Variants in HERC1 observed in about 807,000 individuals in gnomAD.
HERC1 encodes the protein HECT and RLD domain containing E3 ubiquitin protein ligase family member 1.
Under a neutral mutation model 554.3 loss-of-function variants are expected in HERC1, and 160 were observed. The observed-to-expected ratio is 0.29, with a 90% CI of 0.25 to 0.33. The LOEUF is 0.33. HERC1 is among the 10% of genes least tolerant of loss of function. The pLI is 1.00. For synonymous variants in HERC1, 2,175 were observed against 2,131.7 expected, an observed-to-expected ratio of 1.02 and a Z score of -0.56; for missense variants, 4,919 against 5,918.5, an observed-to-expected ratio of 0.83 and a Z score of 5.54.
intron 74 of HERC1, among the ~76,000 whole-genome samples, chr15:63,620,405 T>A (rs2152749051): frequency 6.6e-6 from 1 of 151,964 alleles, no homozygotes; most frequent in East Asian, 1.9e-4. Flanking sequence ...AGGAGTGCTT[T>A]ACTTCCAACT....
chr15:63,749,494 C>T lies in HERC1; in HGVS notation c.2092G>A (p.Gly698Ser). ...ATAGGACCTGTGGAATTTCCCTGAC[C>T]ACATTGCCCCATTGAGTTATTGCCC... ...AWGNNSMGQC[G>S]QGNSTGPITK... Residue 698 changes from glycine to serine, a missense_variant, in exon 10 of 78, where the codon GGT becomes AGT. Physicochemically the swap from Gly to Ser is moderately conservative, Grantham distance 56. Transcript: ENST00000443617. This position sits in a 1 kb window ranked among gnomAD's most constrained non-coding sequence, Gnocchi z 4.1. The T allele has an allele frequency of 1.2e-6, 2 of 1,613,522 alleles. No homozygotes were observed. The highest frequency in any genetic ancestry group is 1.7e-6 in the Non-Finnish European group (2 of 1,179,614).
chr15:63,811,112 G>A (rs901962691), intron 1 of HERC1, among the ~76,000 whole-genome samples: 2 of 151,818 alleles, frequency 1.3e-5, no homozygotes, highest in South Asian at 2.1e-4. Context: ...TCCTGGACCC[G>A]AAAAAAACAA....
intron 1 of HERC1, among the ~76,000 whole-genome samples, chr15:63,830,256 T>C (rs935610282): frequency 6.6e-6 from 1 of 152,140 alleles, no homozygotes; most frequent in Non-Finnish European, 1.5e-5. Flanking sequence ...CAAAAAGACA[T>C]GTCAACACCA....
intron 2 of HERC1, among the ~76,000 whole-genome samples, chr15:63,767,010 T>C (rs547312024): frequency 6.7e-6 from 1 of 148,874 alleles, no homozygotes; most frequent in Admixed American, 6.7e-5. Context: ...TTCATTTGTT[T>C]TTTTTTTTTG....
chr15:63,787,582 C>T (rs73457117), intron 1 of HERC1, among the ~76,000 whole-genome samples: 1,886 of 152,214 alleles, frequency 0.012, 39 homozygotes, highest in African/African-American at 0.04. Flanking sequence ...AAGTTCGCTA[C>T]ATCAAGAATG....
At position 63,697,882 on chromosome 15, in the gene HERC1, A is replaced by G. The variant is rs568364482; in HGVS notation, c.4905+846T>C. On this transcript the variant is annotated intron_variant, in intron 26 of 77. Transcript: ENST00000443617. ...AGTCCAGCTCACTCTCAAGGAGAGA[A>G]GAATTAATCTCCACTTCCTGCAGGG... 2.0e-5 allele frequency among the ~76,000 whole-genome samples: 3 copies of G among 152,370 alleles called. No homozygotes were observed. The East Asian group carries it at 5.8e-4, about 29-fold the overall frequency.
intron 24 of HERC1, among the ~76,000 whole-genome samples, chr15:63,710,703 G>A (rs2073248135): frequency 1.3e-5 from 2 of 152,200 alleles, no homozygotes; most frequent in African/African-American, 4.8e-5. Flanking sequence ...TTTAAATAGG[G>A]TGGTCAGCAC....
At chr15:63,821,252 T>C (rs2077680881) in intron 1 of HERC1, among the ~76,000 whole-genome samples, 3 of 151,862 alleles carry the variant, frequency 2.0e-5, no homozygotes, top group Non-Finnish European at 4.4e-5. Flanking sequence ...TGAGACCTCA[T>C]CCCTAAAAAA....
chr15:63,828,591 G>A (rs1163777231), intron 1 of HERC1, among the ~76,000 whole-genome samples: 12 of 151,964 alleles, frequency 7.9e-5, no homozygotes, highest in African/African-American at 2.9e-4. Flanking sequence ...CGCCCTCCTC[G>A]GCCTCCCAAA....
intron 36 of HERC1, among the ~76,000 whole-genome samples, chr15:63,678,659 G>A (rs1242514291): frequency 6.6e-6 from 1 of 152,140 alleles, no homozygotes; most frequent in African/African-American, 2.4e-5. Flanking sequence ...GTATATGACT[G>A]ACTCAATTTA....
chr15:63,653,855 A>C (rs1239909796), intron 51 of HERC1, among the ~76,000 whole-genome samples: 1 of 152,194 alleles, frequency 6.6e-6, no homozygotes, highest in Non-Finnish European at 1.5e-5. Context: ...ATAAGTCTTC[A>C]TCTTTTGTGA....
rs529204312 is a variant in HERC1 at position 63,635,355 on chromosome 15, T to C, written c.12415-467A>G. Among the ~76,000 whole-genome samples, 6 of 152,328 alleles carry C rather than the reference T, an allele frequency of 3.9e-5. No homozygotes were observed. In the East Asian group the frequency reaches 1.2e-3, roughly 29 times the overall value. ...TAAGCCACTGCATCTGGCCAACTGG[T>C]ACATTTATCTGCCCAAGTTGCTCTC... On this transcript the variant is annotated intron_variant, in intron 65 of 77. Transcript: ENST00000443617.
intron 1 of HERC1, among the ~76,000 whole-genome samples, chr15:63,803,531 T>G (rs896120433): frequency 9.9e-5 from 15 of 152,144 alleles, no homozygotes; most frequent in Non-Finnish European, 1.8e-4. Flanking sequence ...CAAGCTATCC[T>G]CCCACCTCTG....
At chr15:63,656,454 A>G in intron 48 of HERC1, 96 bp from the exon 49 acceptor site, 1 of 1,100,972 alleles carries the variant, frequency 9.1e-7, no homozygotes, top group Non-Finnish European at 1.3e-6. Context: ...ATCAACAACC[A>G]TAATAAAATG....
intron 1 of HERC1, among the ~76,000 whole-genome samples, chr15:63,785,127 G>C (rs1221976084): frequency 6.6e-6 from 1 of 152,180 alleles, no homozygotes; most frequent in East Asian, 1.9e-4. Context: ...CCATTTCTAA[G>C]TAAGAATTAA....
intron 47 of HERC1, among the ~76,000 whole-genome samples, chr15:63,659,256 T>G (rs1490061370): frequency 6.6e-6 from 1 of 152,172 alleles, no homozygotes; most frequent in African/African-American, 2.4e-5. Flanking sequence ...TCAAAACATT[T>G]ATTTTTTCCT....
chr15:63,755,206 C>T (rs752982098), intron 6 of HERC1, 23 bp downstream of exon 6: 1 of 1,503,422 alleles, frequency 6.7e-7, no homozygotes, highest in East Asian at 2.3e-5. Context: ...AGAAGAATAA[C>T]TTACATTTTT....
Position 63,675,130 on chromosome 15 carries a change from T to A in HERC1, c.7071-13A>T. On this transcript the variant is annotated splice_polypyrimidine_tract_variant and intron_variant, in intron 37 of 77. Transcript: ENST00000443617. ...AAAAGTTGGGAAGCTTTAATAAAGATCAGAATGACACAGGAAGAAGCAAGT... is the reference window on the plus strand; with the variant it reads ...AAAAGTTGGGAAGCTTTAATAAAGAACAGAATGACACAGGAAGAAGCAAGT... 1.3e-6 allele frequency: 2 copies of A among 1,569,418 alleles called. No individual in the cohort carries two copies. The highest frequency in any genetic ancestry group is 2.3e-5 in the East Asian group (1 of 44,310).
intron 1 of HERC1, among the ~76,000 whole-genome samples, chr15:63,795,250 C>A (rs2076778822): frequency 6.6e-6 from 1 of 151,902 alleles, no homozygotes; most frequent in Admixed American, 6.6e-5. Flanking sequence ...GTTACTAAAG[C>A]TTGCCTTTTT....
Sources: gnomAD v4.1 joint callset for allele counts (sites outside exome capture counted in the v4.1 genomes callset) on GRCh38, gnomAD v4.1.1 for gene constraint, Gnocchi (gnomAD v3.1) non-coding constraint, MANE v1.5 for transcripts, NCBI Gene and HGNC (gene_info 2026-07-23, HGNC 2026-07-21) for gene names.